Variants in PALM2AKAP2 observed in about 807,000 individuals in gnomAD.
PALM2AKAP2 encodes PALM2 and AKAP2 fusion.
A neutral mutation model predicts 71.5 loss-of-function variants in PALM2AKAP2; 37 were observed. That is an observed-to-expected ratio of 0.52 (90% CI 0.40 to 0.68). PALM2AKAP2 has a LOEUF of 0.68. Among genes scored for constraint, PALM2AKAP2 ranks in the 30% least tolerant of loss-of-function variants. The pLI, the probability that PALM2AKAP2 is intolerant of heterozygous loss-of-function variation, is 0.00. For missense variants in PALM2AKAP2, 1,224 were observed against 1,191.8 expected (o/e 1.03, Z -0.40); for synonymous variants, 468 against 478.8 (o/e 0.98, Z 0.29).
chr9:109,879,472 C>T (rs76799503), intron 2 of PALM2AKAP2, among the ~76,000 whole-genome samples: 2,775 of 152,300 alleles, frequency 0.018, 48 homozygotes, highest in East Asian at 0.083. Context: ...TAGCTGCTGC[C>T]GTCTGCCATC....
intron 1 of PALM2AKAP2, among the ~76,000 whole-genome samples, chr9:109,748,205 A>G (rs976072242): frequency 5.9e-5 from 9 of 152,228 alleles, no homozygotes; most frequent in African/African-American, 2.2e-4. Flanking sequence ...AGAGTGACCA[A>G]GCATGCAAAG....
At chr9:109,775,507 C>A (rs1443336973), upstream of PALM2AKAP2, among the ~76,000 whole-genome samples, 1 of 152,204 alleles carries the variant, frequency 6.6e-6, no homozygotes, top group Non-Finnish European at 1.5e-5. Flanking sequence ...ACCACAGGAG[C>A]CAAGAGGACC....
chr9:109,928,966 C>T (rs1171737774), intron 5 of PALM2AKAP2, among the ~76,000 whole-genome samples: 1 of 152,126 alleles, frequency 6.6e-6, no homozygotes, highest in Non-Finnish European at 1.5e-5. Flanking sequence ...TGCGCCCAGC[C>T]CATTCCCTTA....
At chr9:109,967,376 C>G (rs1831971550) in intron 6 of PALM2AKAP2, among the ~76,000 whole-genome samples, 1 of 152,232 alleles carries the variant, frequency 6.6e-6, no homozygotes, top group East Asian at 1.9e-4. Context: ...CTAAGGCCAG[C>G]CCATATGCAA....
intron 6 of PALM2AKAP2, among the ~76,000 whole-genome samples, chr9:110,002,790 T>G (rs1439343572): frequency 2.0e-5 from 3 of 152,232 alleles, no homozygotes; most frequent in African/African-American, 7.2e-5. Flanking sequence ...ATTTATCCAT[T>G]TCTTCTAGAT....
intron 1 of PALM2AKAP2, among the ~76,000 whole-genome samples, chr9:110,055,786 G>A (rs1588081789): frequency 6.6e-6 from 1 of 152,186 alleles, no homozygotes. Context: ...AGTGCCCTGG[G>A]TTGGTTGAGT....
At chr9:109,702,291 CG>C (rs1489011615) in intron 1 of PALM2AKAP2, among the ~76,000 whole-genome samples, 1 of 152,102 alleles carries the variant, frequency 6.6e-6, no homozygotes, top group Non-Finnish European at 1.5e-5. Flanking sequence ...CATATGCACA[CG>C]TATGTTTTAT....
At chr9:110,062,321 C>T (rs1243200396) in intron 1 of PALM2AKAP2, among the ~76,000 whole-genome samples, 1 of 152,082 alleles carries the variant, frequency 6.6e-6, no homozygotes, top group Non-Finnish European at 1.5e-5. Context: ...TCAGCTCTCA[C>T]TTGTAAGTGA....
At chr9:109,980,721 C>T (rs1021100345) in intron 6 of PALM2AKAP2, among the ~76,000 whole-genome samples, 1 of 152,244 alleles carries the variant, frequency 6.6e-6, no homozygotes, top group Non-Finnish European at 1.5e-5. Context: ...GTAGCTCAAG[C>T]TGTCCCATGG....
intron 1 of PALM2AKAP2, among the ~76,000 whole-genome samples, chr9:110,088,703 GTTTTTTTTTTTTTT>G (rs71373964): frequency 1.2e-4 from 9 of 75,634 alleles, no homozygotes; most frequent in East Asian, 6.7e-4. Context: ...GCATTTACGT[GTTTTTTTTTTTTTT>G]TTTTTTTTTT....
At chr9:109,998,545 A>T (rs1832617444) in intron 6 of PALM2AKAP2, among the ~76,000 whole-genome samples, 1 of 149,426 alleles carries the variant, frequency 6.7e-6, no homozygotes, top group Admixed American at 6.7e-5. Context: ...AAGCCAGGCT[A>T]CATAGGTCAT....
At chr9:109,740,801 G>C (rs1450401690) in intron 1 of PALM2AKAP2, among the ~76,000 whole-genome samples, 1 of 152,046 alleles carries the variant, frequency 6.6e-6, no homozygotes, top group African/African-American at 2.4e-5. Flanking sequence ...CTACAGGCGT[G>C]TGCCACCACA....
chr9:109,866,762 G>T (rs1829458921), intron 1 of PALM2AKAP2, among the ~76,000 whole-genome samples: 1 of 152,126 alleles, frequency 6.6e-6, no homozygotes, highest in African/African-American at 2.4e-5. Flanking sequence ...TCCACTTTAT[G>T]TACGAGAAGA....
intron 1 of PALM2AKAP2, among the ~76,000 whole-genome samples, chr9:109,677,496 C>T (rs559578849): frequency 2.6e-5 from 4 of 152,092 alleles, no homozygotes; most frequent in East Asian, 1.9e-4. Context: ...GGTGAAACCC[C>T]GTCTCTACTA....
At chr9:109,803,495 G>A (rs1827490183) in intron 1 of PALM2AKAP2, among the ~76,000 whole-genome samples, 1 of 152,154 alleles carries the variant, frequency 6.6e-6, no homozygotes, top group South Asian at 2.1e-4. Context: ...CTAGACCCAC[G>A]CTGGAAAGAG....
chr9:110,081,898 T>A (rs555827509), intron 1 of PALM2AKAP2, among the ~76,000 whole-genome samples: 3 of 152,200 alleles, frequency 2.0e-5, no homozygotes, highest in Admixed American at 6.5e-5. Context: ...TTCCTCACCA[T>A]GCTAAATAGC....
At chr9:109,719,691 A>G (rs1828377534) in intron 1 of PALM2AKAP2, among the ~76,000 whole-genome samples, 1 of 152,224 alleles carries the variant, frequency 6.6e-6, no homozygotes, top group African/African-American at 2.4e-5. Flanking sequence ...ATGATGTGGC[A>G]TACATAGAAA....
At chr9:109,798,648 A>G (rs1204185567) in intron 1 of PALM2AKAP2, among the ~76,000 whole-genome samples, 3 of 152,206 alleles carry the variant, frequency 2.0e-5, no homozygotes, top group African/African-American at 7.2e-5. Flanking sequence ...CAAAATGTCA[A>G]CAGAGCTGCC....
chr9:110,166,365 G>A (rs1330595400), intron 3 of PALM2AKAP2, among the ~76,000 whole-genome samples: 1 of 152,086 alleles, frequency 6.6e-6, no homozygotes, highest in Non-Finnish European at 1.5e-5. Context: ...TGTGAAGTGG[G>A]GTAGCTGTGT....
Sources: allele counts gnomAD v4.1 joint callset (sites outside exome capture counted in the v4.1 genomes callset), GRCh38; gene constraint gnomAD v4.1.1; transcripts MANE v1.5; gene names NCBI Gene and HGNC (gene_info 2026-07-23, HGNC 2026-07-21).